CACNA2D3: variants seen among roughly 807,000 people sequenced by gnomAD.
The protein encoded by CACNA2D3 is calcium voltage-gated channel auxiliary subunit alpha2delta 3, also known as voltage-dependent calcium channel subunit alpha-2/delta-3.
A neutral mutation model predicts 160.6 loss-of-function variants in CACNA2D3; 60 were observed. The observed-to-expected ratio is 0.37, with a 90% CI of 0.30 to 0.46. CACNA2D3 has a LOEUF of 0.46. CACNA2D3 is among the 20% of genes least tolerant of loss of function. The pLI is 1.00. For synonymous variants in CACNA2D3, 558 were observed against 492.9 expected, an observed-to-expected ratio of 1.13 and a Z score of -1.75; for missense variants, 1,205 against 1,365.0, an observed-to-expected ratio of 0.88 and a Z score of 1.85.
intron 11 of CACNA2D3, among the ~76,000 whole-genome samples, chr3:54,687,126 T>TCTC (rs374461120): frequency 4.5e-5 from 3 of 66,990 alleles, no homozygotes; most frequent in African/African-American, 2.0e-4. Context: ...TTTTTCTTTT[T>TCTC]TTTTTTTTGT....
Position 54,725,097 on chromosome 3 carries a change from C to T in CACNA2D3, c.1168-27502C>T, listed in dbSNP as rs1356384081. 1.3e-5 allele frequency among the ~76,000 whole-genome samples: 2 copies of T among 152,152 alleles called. 1 individual carries two copies. The highest frequency in any genetic ancestry group is 4.8e-5 in the African/African-American group (2 of 41,444). On this transcript the variant is annotated intron_variant, in intron 11 of 37. Coordinates refer to ENST00000474759, the MANE Select transcript of CACNA2D3 (RefSeq NM_018398.3). The stretch of plus-strand genomic sequence containing the variant: ...ATAGGGGATATCACCACTGAACCCA[C>T]AGAAATACAAACTACCATCAGAGAA...
chr3:54,403,347 C>A (rs1363793880), intron 4 of CACNA2D3, among the ~76,000 whole-genome samples: 1 of 136,528 alleles, frequency 7.3e-6, no homozygotes, highest in East Asian at 2.1e-4. Context: ...AGAGCCGGAC[C>A]CTATCTCAAA....
intron 3 of CACNA2D3, among the ~76,000 whole-genome samples, chr3:54,376,822 G>C (rs72988033): frequency 0.032 from 4,800 of 152,230 alleles, 266 homozygotes; most frequent in African/African-American, 0.11. Context: ...CCTCGGGGCT[G>C]TTCCCTGGAC....
intron 5 of CACNA2D3, among the ~76,000 whole-genome samples, chr3:54,556,493 A>G (rs1702244354): frequency 6.6e-6 from 1 of 152,174 alleles, no homozygotes; most frequent in African/African-American, 2.4e-5. Flanking sequence ...TTGATTTTTA[A>G]CTGTTTATAT....
chr3:54,855,276 A>G (rs1475803619), intron 17 of CACNA2D3, among the ~76,000 whole-genome samples: 1 of 152,110 alleles, frequency 6.6e-6, no homozygotes, highest in East Asian at 1.9e-4. Context: ...AAAGCTTCAT[A>G]AGCCTACTAG....
chr3:54,136,118 A>G (rs769225174), intron 2 of CACNA2D3, among the ~76,000 whole-genome samples: 4 of 152,168 alleles, frequency 2.6e-5, no homozygotes, highest in East Asian at 1.9e-4. Context: ...CTCAGATTCA[A>G]TTGCATTTGA....
intron 11 of CACNA2D3, among the ~76,000 whole-genome samples, chr3:54,741,413 T>G (rs1274611927): frequency 6.6e-6 from 1 of 152,100 alleles, no homozygotes; most frequent in Non-Finnish European, 1.5e-5. Flanking sequence ...TCATTCTGGT[T>G]CTATGATGTT....
intron 2 of CACNA2D3, among the ~76,000 whole-genome samples, chr3:54,309,098 A>G (rs1410264261): frequency 6.6e-6 from 1 of 152,220 alleles, no homozygotes; most frequent in Non-Finnish European, 1.5e-5. Context: ...GTATAGCGTA[A>G]ATATTCTCAT....
At chr3:54,574,039 C>T (rs766824933) in intron 8 of CACNA2D3, among the ~76,000 whole-genome samples, 8 of 152,122 alleles carry the variant, frequency 5.3e-5, no homozygotes, top group Non-Finnish European at 8.8e-5. Context: ...CCATCCAGAA[C>T]GCCCTGCAAA....
chr3:55,017,903 C>T (rs1240828975), intron 34 of CACNA2D3, among the ~76,000 whole-genome samples: 1 of 152,024 alleles, frequency 6.6e-6, no homozygotes, highest in African/African-American at 2.4e-5. Flanking sequence ...TGTGTTGTTG[C>T]TAAGTTTGAG....
Position 55,024,369 on chromosome 3 carries a change from A to G in CACNA2D3, c.2987+6052A>G, listed in dbSNP as rs138248064. ...AAACAGTCACATGTAACATGTGCAT[A>G]AGGCTATGGTCTGAATGTTGGTGTC... On this transcript the variant is annotated intron_variant, in intron 35 of 37. Transcript: ENST00000474759. Among the ~76,000 whole-genome samples, 39 of 152,080 alleles carry G rather than the reference A, an allele frequency of 2.6e-4. No individual in the cohort carries two copies. The East Asian group carries it at 6.0e-3, about 23-fold the overall frequency.
chr3:54,607,267 T>C (rs569958670), intron 9 of CACNA2D3, among the ~76,000 whole-genome samples: 2 of 152,292 alleles, frequency 1.3e-5, no homozygotes, highest in South Asian at 4.1e-4. Context: ...CCTGAGGTCA[T>C]GCGGCACTAT....
intron 13 of CACNA2D3, among the ~76,000 whole-genome samples, chr3:54,771,203 C>T (rs1702315543): frequency 6.6e-6 from 1 of 152,142 alleles, no homozygotes; most frequent in Non-Finnish European, 1.5e-5. Flanking sequence ...GTGTGAGCAG[C>T]TGTGATTTCC....
intron 10 of CACNA2D3, among the ~76,000 whole-genome samples, chr3:54,636,662 A>T (rs1054235467): frequency 7.9e-5 from 12 of 151,988 alleles, no homozygotes; most frequent in Admixed American, 7.9e-4. Flanking sequence ...CTTGTGTAAG[A>T]ATTCTGACTG....
At chr3:54,423,006 G>T (rs1699861808) in intron 4 of CACNA2D3, among the ~76,000 whole-genome samples, 1 of 152,212 alleles carries the variant, frequency 6.6e-6, no homozygotes, top group Non-Finnish European at 1.5e-5. Context: ...ACAGGTAATG[G>T]CTGGGATGAT....
In CACNA2D3 at chr3:54,178,962, CT is replaced by C. The variant is rs887960436; in HGVS notation, c.204+55378del. 4.5e-3 allele frequency among the ~76,000 whole-genome samples: 678 copies of C among 150,154 alleles called. 11 individuals are homozygous for C. The highest frequency in any genetic ancestry group is 0.016 in the African/African-American group (652 of 41,014). ...CTTGAAGCTTCATTTGCATAGCAAA[CT>C]TTTTTTTTTAAATTTAGCATCTATA... On this transcript the variant is annotated intron_variant, in intron 2 of 37. Coordinates refer to ENST00000474759, the MANE Select transcript of CACNA2D3 (RefSeq NM_018398.3).
At chr3:54,698,240 A>C (rs779000145) in intron 11 of CACNA2D3, among the ~76,000 whole-genome samples, 1 of 152,170 alleles carries the variant, frequency 6.6e-6, no homozygotes, top group Non-Finnish European at 1.5e-5. Context: ...TGTGAATAGC[A>C]AATTAGGGGG....
chr3:54,785,885 A>G (rs1702632208), intron 13 of CACNA2D3, among the ~76,000 whole-genome samples: 1 of 152,182 alleles, frequency 6.6e-6, no homozygotes, highest in Non-Finnish European at 1.5e-5. Context: ...GCAATGTGCC[A>G]TCTACCCTGT....
intron 9 of CACNA2D3, among the ~76,000 whole-genome samples, chr3:54,609,252 G>C (rs1349629146): frequency 6.6e-6 from 1 of 152,168 alleles, no homozygotes; most frequent in Admixed American, 6.5e-5. Flanking sequence ...ACCAAGAAAG[G>C]AGGCCTCGGG....
Sources: allele counts gnomAD v4.1 joint callset (sites outside exome capture counted in the v4.1 genomes callset), GRCh38; gene constraint gnomAD v4.1.1; transcripts MANE v1.5; gene names NCBI Gene and HGNC (gene_info 2026-07-23, HGNC 2026-07-21).